The following PGM3 variants were observed in gnomAD, a reference collection of about 807,000 sequenced individuals.
PGM3 encodes phosphoglucomutase 3, also known as phosphoacetylglucosamine mutase.
A neutral mutation model predicts 66.2 loss-of-function variants in PGM3; 40 were observed. The ratio of observed to expected loss-of-function variants is 0.60; its 90% CI spans 0.47 to 0.79. The LOEUF is 0.79. PGM3 is among the 30% of genes least tolerant of loss of function. PGM3 has a pLI of 0.00. For synonymous variants in PGM3, 191 were observed against 224.2 expected (o/e 0.85, Z 1.32); for missense variants, 537 against 643.4 (o/e 0.83, Z 1.79).
At chr6:83,180,109 A>G (rs1482044732) in intron 6 of PGM3, 142 bp from the exon 7 acceptor site, 3 of 553,202 alleles carry the variant, frequency 5.4e-6, no homozygotes, top group Admixed American at 4.0e-5. Flanking sequence ...TACATAGTTT[A>G]TTAGTGGTTT....
At chr6:83,157,513 G>T (rs1332093758), downstream of PGM3, among the ~76,000 whole-genome samples, 3 of 152,148 alleles carry the variant, frequency 2.0e-5, no homozygotes, top group East Asian at 5.8e-4. Flanking sequence ...TTACAAACAT[G>T]CAACATAGAT....
intron 1 of PGM3, chr6:83,192,968 C>T (rs1789263045): frequency 6.6e-6 from 1 of 152,338 alleles, no homozygotes; most frequent in South Asian, 2.1e-4. Context: ...GTACCAGAGC[C>T]CCGGCAGGAG....
chr6:83,183,129 TATAA>T, intron 4 of PGM3, 151 bp from the exon 5 acceptor site: 1 of 700,926 alleles, frequency 1.4e-6, no homozygotes, highest in Non-Finnish European at 2.3e-6. Flanking sequence ...TAAAAAGAAA[TATAA>T]ATGACTATAA....
At chr6:83,172,680 C>A (rs547416425) in intron 10 of PGM3, among the ~76,000 whole-genome samples, 255 of 149,322 alleles carry the variant, frequency 1.7e-3, no homozygotes, top group African/African-American at 5.8e-3. Context: ...ACAACAACAA[C>A]AAAAAAAACC....
chr6:83,184,486 C>A (rs910809443), intron 4 of PGM3, among the ~76,000 whole-genome samples: 1 of 152,134 alleles, frequency 6.6e-6, no homozygotes, highest in Non-Finnish European at 1.5e-5. Context: ...ACTAGAGGAA[C>A]CCATTATTCT....
the PGM3 span, among the ~76,000 whole-genome samples, chr6:83,154,810 T>TA: frequency 1.3e-5 from 2 of 152,204 alleles, no homozygotes; most frequent in Non-Finnish European, 1.5e-5. Flanking sequence ...AAAAGAGTTT[T>TA]AAAAAACGTT....
At chr6:83,169,869 G>GAA in intron 12 of PGM3, 1 of 437,426 alleles carries the variant, frequency 2.3e-6, no homozygotes, top group Non-Finnish European at 4.5e-6. Flanking sequence ...ACAGAGTAAG[G>GAA]CTGTCATTTA....
rs745872367 is a variant in PGM3, at chr6:83,182,983, C to T, written c.458-5G>A. ...GTGTTGTTAACAAGCCATAATCTGT[C>T]ATAGAAATACAAAAAGCAATTCACC... On this transcript the variant is annotated splice_polypyrimidine_tract_variant and splice_region_variant and intron_variant, in intron 4 of 12. Transcript: ENST00000513973. 6.2e-7 allele frequency: 1 copy of T among 1,609,190 alleles called. No individual in the cohort carries two copies. Among genetic ancestry groups the T allele is most frequent in the African/African-American group, 1.3e-5 (1 of 74,828 alleles).
At position 83,166,328 on chromosome 6, in the gene PGM3, T is replaced by A; in HGVS notation, c.*2906A>T. ...TTGGTCATTATCAATTTCCGATGAC[T>A]GGCCACTGCACTCCTCATCTTCAAG... On this transcript the variant is annotated 3_prime_UTR_variant, in exon 13 of 13. Coordinates refer to ENST00000513973, the MANE Select transcript of PGM3 (RefSeq NM_015599.3). 1 of 666,738 alleles carries A rather than the reference T, an allele frequency of 1.5e-6. No individual in the cohort carries two copies. The highest frequency in any genetic ancestry group is 2.2e-5 in the Admixed American group (1 of 44,836). 41.3% of individuals were successfully genotyped at this position (666,738 alleles called of 1,614,324 possible).
intron 4 of PGM3, among the ~76,000 whole-genome samples, chr6:83,183,726 C>G (rs1788363831): frequency 6.6e-6 from 1 of 151,920 alleles, no homozygotes; most frequent in Non-Finnish European, 1.5e-5. Flanking sequence ...GGAACTTTGT[C>G]ATGAATTTTT....
intron 2 of PGM3, among the ~76,000 whole-genome samples, chr6:83,189,765 G>A (rs781527216): frequency 6.6e-6 from 1 of 152,146 alleles, no homozygotes; most frequent in Non-Finnish European, 1.5e-5. Flanking sequence ...CAGATAAATG[G>A]ATGAAGAAAA....
chr6:83,162,995 C>T, downstream of PGM3: 1 of 1,442,228 alleles, frequency 6.9e-7, no homozygotes. Context: ...TAAATACTTC[C>T]TGGGAAACTG....
In PGM3 at chr6:83,167,040, G is replaced by A. The variant is rs565617048; in HGVS notation, c.*2194C>T. The A allele has an allele frequency of 1.0e-5, 10 of 985,328 alleles. No homozygotes were observed. The highest frequency in any genetic ancestry group is 5.2e-4 in the Middle Eastern group (1 of 1,912). The allele number at this position is 985,328 out of a possible 1,614,324, so 61.0% of individuals were successfully genotyped here. ...GAATGATGTCTGTAGCTGTGTTTGTGTAATTCAGGTGGCTTCTCAAACTAG... is the reference window on the plus strand; with the variant it reads ...GAATGATGTCTGTAGCTGTGTTTGTATAATTCAGGTGGCTTCTCAAACTAG... On this transcript the variant is annotated 3_prime_UTR_variant, in exon 13 of 13. Coordinates refer to ENST00000513973, the MANE Select transcript of PGM3 (RefSeq NM_015599.3).
At position 83,181,838 on chromosome 6, in the gene PGM3, A is replaced by T; in HGVS notation, c.685T>A (p.Ser229Thr). The change falls in exon 6 of 13, where the codon TCA becomes ACA. Residue 229 changes from serine to threonine, a missense_variant. Transcript: ENST00000513973. ...LKLREMEHYF[S>T]QGLSVQLFND... ...AACAGCTGAACTGACAGGCCCTGTG[A>T]GAAGTAGTGTTCCATTTCCCTTAGC... is the stretch of plus-strand genomic sequence containing the variant. The T allele has an allele frequency of 6.2e-7, 1 of 1,613,954 alleles. No individual in the cohort carries two copies. The highest frequency in any genetic ancestry group is 8.5e-7 in the Non-Finnish European group (1 of 1,179,836).
the PGM3 span, chr6:83,151,446 G>C: frequency 2.0e-6 from 1 of 499,916 alleles, no homozygotes. Context: ...ATGAATGTCA[G>C]TTGAGTCATA....
chr6:83,170,603 A>G (rs1655757500), intron 11 of PGM3, 125 bp from the exon 12 acceptor site: 7 of 758,236 alleles, frequency 9.2e-6, no homozygotes, highest in Non-Finnish European at 1.5e-5. Context: ...TTCTTTCTCC[A>G]AGGTCAGGGT....
intron 4 of PGM3, among the ~76,000 whole-genome samples, chr6:83,186,167 C>G (rs73749734): frequency 1.8e-3 from 268 of 152,254 alleles, no homozygotes; most frequent in Middle Eastern, 0.01. Flanking sequence ...CCAGACATGC[C>G]ACAGAGGTCC....
At position 83,166,229 on chromosome 6, in the gene PGM3, TA is replaced by T; in HGVS notation, c.*3004del. ...ATTTGCTTCAAATGCCGAACGACCA[TA>T]AAATGGTCAACATTGAGTTCTTGGG... On this transcript the variant is annotated 3_prime_UTR_variant, in exon 13 of 13. Transcript: ENST00000513973. 1 of 512,526 alleles carries T rather than the reference TA, an allele frequency of 2.0e-6. No individual in the cohort carries two copies. Among genetic ancestry groups the T allele is most frequent in the Non-Finnish European group, 3.4e-6 (1 of 291,026 alleles). The allele number at this position is 512,526 out of a possible 1,614,324, so 31.7% of individuals were successfully genotyped here.
chr6:83,189,974 AGAGGGTAAGG>A (rs758534458), intron 2 of PGM3, among the ~76,000 whole-genome samples: 157 of 152,256 alleles, frequency 1.0e-3, no homozygotes, highest in Non-Finnish European at 2.0e-3. Flanking sequence ...GGTGGCGGCT[AGAGGGTAAGG>A]GAAATGGGGA....
Sources: gnomAD v4.1 joint callset for allele counts (sites outside exome capture counted in the v4.1 genomes callset) on GRCh38, gnomAD v4.1.1 for gene constraint, MANE v1.5 for transcripts, NCBI Gene and HGNC (gene_info 2026-07-23, HGNC 2026-07-21) for gene names.